The following EXOC4 variants were observed in gnomAD, a reference collection of about 807,000 sequenced individuals.
EXOC4 encodes exocyst complex component 4.
Under a neutral mutation model 107.2 loss-of-function variants are expected in EXOC4, and 71 were observed. That is an observed-to-expected ratio of 0.66 (90% CI 0.55 to 0.81). The LOEUF is 0.81. EXOC4 is among the 30% of genes least tolerant of loss of function. The probability of loss-of-function intolerance (pLI) is 0.00; values close to 1 mark genes in which losing one functional copy is unlikely to be tolerated. For synonymous variants in EXOC4, 456 were observed against 441.2 expected, an observed-to-expected ratio of 1.03 and a Z score of -0.42; for missense variants, 1,108 against 1,189.6, an observed-to-expected ratio of 0.93 and a Z score of 1.01.
intron 7 of EXOC4, among the ~76,000 whole-genome samples, chr7:133,388,210 G>T (rs1402207788): frequency 6.6e-6 from 1 of 152,204 alleles, no homozygotes; most frequent in African/African-American, 2.4e-5. Context: ...ATCAGTTTCA[G>T]CATTATCAAT....
chr7:133,648,101 TTATTAAA>T (rs1306534307), intron 10 of EXOC4, among the ~76,000 whole-genome samples: 1 of 152,192 alleles, frequency 6.6e-6, no homozygotes, highest in Non-Finnish European at 1.5e-5. Flanking sequence ...TTAAGGACTT[TTATTAAA>T]TACATTTACC....
chr7:133,518,798 CAG>C (rs1563094593), intron 9 of EXOC4, among the ~76,000 whole-genome samples: 1 of 151,738 alleles, frequency 6.6e-6, no homozygotes, highest in Non-Finnish European at 1.5e-5. Context: ...TTCATAGAAA[CAG>C]AAAGAATGAT....
intron 14 of EXOC4, among the ~76,000 whole-genome samples, chr7:133,957,010 T>C (rs1178164327): frequency 6.6e-6 from 1 of 152,138 alleles, no homozygotes; most frequent in East Asian, 1.9e-4. Context: ...GTGAGAACTA[T>C]ATAGAGAGGC....
intron 5 of EXOC4, among the ~76,000 whole-genome samples, chr7:133,329,968 C>T (rs1004845553): frequency 1.3e-5 from 2 of 152,162 alleles, no homozygotes; most frequent in Non-Finnish European, 2.9e-5. Context: ...AGATCTGTTG[C>T]TCTCTTCAGA....
chr7:133,560,920 A>G (rs1800792610), intron 9 of EXOC4, among the ~76,000 whole-genome samples: 1 of 152,140 alleles, frequency 6.6e-6, no homozygotes, highest in South Asian at 2.1e-4. Flanking sequence ...GAAACCTGCT[A>G]AGAGTATGAT....
At chr7:133,475,776 A>G (rs190190195) in intron 8 of EXOC4, among the ~76,000 whole-genome samples, 5 of 152,296 alleles carry the variant, frequency 3.3e-5, no homozygotes, top group Non-Finnish European at 5.9e-5. Flanking sequence ...TTTATATGAA[A>G]TGAAAGGAAA....
At chr7:133,748,894 AGGG>A (rs1795732175) in intron 10 of EXOC4, among the ~76,000 whole-genome samples, 1 of 152,208 alleles carries the variant, frequency 6.6e-6, no homozygotes, top group Admixed American at 6.5e-5. Flanking sequence ...CTTATCAGTC[AGGG>A]AAAGGTAAGC....
chr7:133,464,256 A>G (rs1047907488), intron 7 of EXOC4, among the ~76,000 whole-genome samples: 10 of 152,326 alleles, frequency 6.6e-5, no homozygotes, highest in African/African-American at 2.4e-4. Context: ...TCTATGAAGT[A>G]GTTCTATTAT....
chr7:133,602,265 G>A (rs1036010681), intron 9 of EXOC4, among the ~76,000 whole-genome samples: 1 of 152,206 alleles, frequency 6.6e-6, no homozygotes, highest in Non-Finnish European at 1.5e-5. Flanking sequence ...AAAATCTGCA[G>A]GTAGTTCTTG....
intron 11 of EXOC4, among the ~76,000 whole-genome samples, chr7:133,867,443 T>C (rs1798664518): frequency 1.3e-5 from 2 of 152,186 alleles, no homozygotes; most frequent in Non-Finnish European, 1.5e-5. Flanking sequence ...CCCTTCCCAT[T>C]GAGGGCAGTC....
rs149775116 is a variant in EXOC4 at position 133,507,304 on chromosome 7, A to C, written c.1417+27166A>C. Among the ~76,000 whole-genome samples the C allele has an allele frequency of 2.0e-3, 308 of 152,294 alleles. 1 individual carries two copies. The highest frequency in any genetic ancestry group is 6.8e-3 in the African/African-American group (282 of 41,574). On this transcript the variant is annotated intron_variant, in intron 9 of 17. Coordinates refer to ENST00000253861, the MANE Select transcript of EXOC4 (RefSeq NM_021807.4). ...AACATGAAGTTACAAGATTTCATTA[A>C]GTTTTTAAATTAAATCTCAAATCTT...
At chr7:133,954,111 C>A (rs550138852) in intron 14 of EXOC4, among the ~76,000 whole-genome samples, 15 of 152,262 alleles carry the variant, frequency 9.9e-5, no homozygotes, top group African/African-American at 3.4e-4. Flanking sequence ...TTACCTTCCC[C>A]AAATGGATAA....
chr7:133,951,847 G>A (rs1356630987), intron 14 of EXOC4, among the ~76,000 whole-genome samples: 4 of 152,162 alleles, frequency 2.6e-5, no homozygotes, highest in African/African-American at 7.2e-5. Flanking sequence ...TCAGCATATC[G>A]AGAAATATGG....
intron 12 of EXOC4, among the ~76,000 whole-genome samples, chr7:133,906,574 C>T (rs1236948048): frequency 6.6e-6 from 1 of 152,236 alleles, no homozygotes; most frequent in East Asian, 1.9e-4. Flanking sequence ...AACGGCTACC[C>T]TCTTTGGGTC....
At chr7:133,523,288 A>C (rs558107117) in intron 9 of EXOC4, among the ~76,000 whole-genome samples, 1 of 152,330 alleles carries the variant, frequency 6.6e-6, no homozygotes, top group African/African-American at 2.4e-5. Context: ...TAAGTATATT[A>C]ATGGTTACTA....
intron 7 of EXOC4, among the ~76,000 whole-genome samples, chr7:133,441,103 G>GATTT (rs1249284046): frequency 6.6e-6 from 1 of 152,162 alleles, no homozygotes; most frequent in Non-Finnish European, 1.5e-5. Context: ...ATAGCCAGTG[G>GATTT]CAAATGCTAA....
chr7:133,647,827 A>C (rs1213588983), intron 10 of EXOC4, among the ~76,000 whole-genome samples: 1 of 152,128 alleles, frequency 6.6e-6, no homozygotes, highest in Non-Finnish European at 1.5e-5. Flanking sequence ...CCATCATGGA[A>C]GATTTCTGGT....
intron 7 of EXOC4, among the ~76,000 whole-genome samples, chr7:133,448,342 G>C (rs966956708): frequency 1.3e-5 from 2 of 151,808 alleles, no homozygotes; most frequent in Non-Finnish European, 2.9e-5. Context: ...CTGTCACCCA[G>C]ACTGGAATAC....
At chr7:133,388,823 A>T (rs541310456) in intron 7 of EXOC4, among the ~76,000 whole-genome samples, 1 of 152,322 alleles carries the variant, frequency 6.6e-6, no homozygotes, top group South Asian at 2.1e-4. Context: ...CTTTTAATCT[A>T]TAAGTTCCTG....
Sources: gnomAD v4.1 joint callset for allele counts (sites outside exome capture counted in the v4.1 genomes callset) on GRCh38, gnomAD v4.1.1 for gene constraint, MANE v1.5 for transcripts, NCBI Gene and HGNC (gene_info 2026-07-23, HGNC 2026-07-21) for gene names.